Variants in EML2 observed in about 807,000 individuals in gnomAD.
EML2 encodes the protein EMAP like 2.
EML2 carries 59 observed loss-of-function variants against 84.7 expected under a neutral mutation model. The observed-to-expected ratio is 0.70, with a 90% CI of 0.56 to 0.86. The LOEUF (loss-of-function observed/expected upper bound fraction) is 0.86. Ranked by LOEUF, EML2 falls within the 40% of genes least tolerant of loss-of-function variation. The pLI, the probability that EML2 is intolerant of heterozygous loss-of-function variation, is 0.00. For synonymous variants in EML2, 352 were observed against 348.9 expected (o/e 1.01, Z -0.10); for missense variants, 818 against 855.6 (o/e 0.96, Z 0.55).
At chr19:45,634,751 C>T (rs1433901209) in intron 3 of EML2, among the ~76,000 whole-genome samples, 2 of 151,468 alleles carry the variant, frequency 1.3e-5, no homozygotes, top group African/African-American at 2.4e-5. Flanking sequence ...TTAGTAGAGA[C>T]GGGGTATCAC....
At chr19:45,637,148 C>A (rs867178888) in intron 3 of EML2, among the ~76,000 whole-genome samples, 3 of 152,170 alleles carry the variant, frequency 2.0e-5, no homozygotes, top group African/African-American at 7.2e-5. Flanking sequence ...TCTGGGCACC[C>A]AGAAGGCCAG....
At chr19:45,626,667 C>T (rs2122707651) in intron 8 of EML2, 38 bp downstream of exon 8, 1 of 1,585,888 alleles carries the variant, frequency 6.3e-7, no homozygotes, top group Non-Finnish European at 8.6e-7. Context: ...AACTACCTCT[C>T]TCAGGGCCAG....
intron 18 of EML2, among the ~76,000 whole-genome samples, chr19:45,610,628 A>G (rs1380459682): frequency 1.3e-5 from 2 of 152,252 alleles, no homozygotes; most frequent in East Asian, 3.9e-4. Flanking sequence ...ACTTGAGGTC[A>G]GGAGTTCGAT....
upstream of EML2, chr19:45,639,927 GA>G (rs2122824568): frequency 6.6e-6 from 1 of 152,344 alleles, no homozygotes; most frequent in African/African-American, 2.4e-5. Flanking sequence ...TCGGGAGGCA[GA>G]GGTTACAGTG....
intron 18 of EML2, among the ~76,000 whole-genome samples, chr19:45,610,152 C>T (rs1271849630): frequency 1.3e-5 from 2 of 152,082 alleles, no homozygotes; most frequent in Non-Finnish European, 2.9e-5. Context: ...AATCCCAGCA[C>T]TTTGGGAGGC....
intron 8 of EML2, among the ~76,000 whole-genome samples, chr19:45,626,103 C>T (rs1568460236): frequency 6.6e-6 from 1 of 152,130 alleles, no homozygotes; most frequent in Non-Finnish European, 1.5e-5. Context: ...TCTCGAACTT[C>T]TGGGCTCAAG....
chr19:45,643,272 G>A (rs537465127), upstream of EML2, among the ~76,000 whole-genome samples: 1 of 152,340 alleles, frequency 6.6e-6, no homozygotes, highest in African/African-American at 2.4e-5. Context: ...CCAGCTGCAA[G>A]GACAGAGCTT....
At chr19:45,612,617 T>C (rs1333862521) in intron 18 of EML2, among the ~76,000 whole-genome samples, 1 of 152,024 alleles carries the variant, frequency 6.6e-6, no homozygotes, top group African/African-American at 2.4e-5. Context: ...AAGGCTGCAG[T>C]GAGCCGAGAT....
chr19:45,613,061 C>G (rs962716727), intron 18 of EML2, among the ~76,000 whole-genome samples: 2 of 152,050 alleles, frequency 1.3e-5, no homozygotes, highest in Non-Finnish European at 2.9e-5. Flanking sequence ...CCATGCCCAG[C>G]TAATTTTGTG....
chr19:45,634,565 T>C (rs1973495124), intron 3 of EML2, 94 bp from the exon 4 acceptor site: 18 of 968,212 alleles, frequency 1.9e-5, no homozygotes, highest in Non-Finnish European at 2.2e-5. Context: ...AATTTTTTTA[T>C]TTATTTATTT....
At chr19:45,642,222 C>T (rs1974596614), upstream of EML2, 1 of 1,535,348 alleles carries the variant, frequency 6.5e-7, no homozygotes, top group African/African-American at 1.4e-5. Flanking sequence ...CGCATGCCCG[C>T]AGGCGACGCA....
chr19:45,621,405 G>A (rs1282333165), intron 10 of EML2, 73 bp from the exon 11 acceptor site: 1 of 1,572,818 alleles, frequency 6.4e-7, no homozygotes, highest in Non-Finnish European at 8.6e-7. Context: ...CTGTGGGGAG[G>A]AGGGTCTGGC....
upstream of EML2, chr19:45,643,631 A>G (rs1454976276): frequency 2.0e-6 from 3 of 1,536,088 alleles, no homozygotes; most frequent in South Asian, 2.4e-5. Flanking sequence ...AGCCTGGTGG[A>G]AGTAAAGGTG....
Position 45,609,554 on chromosome 19 carries a change from T to G in EML2, c.*109A>C. On this transcript the variant is annotated 3_prime_UTR_variant, in exon 19 of 19. Coordinates refer to ENST00000245925, the MANE Select transcript of EML2 (RefSeq NM_012155.4). ...ATGTCAGTCTACCCTCCCGCCCCCA[T>G]AACCCCCTCTGCTATAGACATACTC... 2.8e-5 allele frequency: 12 copies of G among 435,224 alleles called. No homozygotes were observed. Among genetic ancestry groups the G allele is most frequent in the East Asian group, 7.9e-5 (1 of 12,620 alleles). The allele number at this position is 435,224 out of a possible 1,614,324, so 27.0% of individuals were successfully genotyped here. A position where few individuals can be genotyped will look rare whatever the true frequency, so the allele number is the denominator to read the frequency against.
chr19:45,624,848 G>C, intron 8 of EML2, 30 bp from the exon 9 acceptor site: 2 of 1,528,636 alleles, frequency 1.3e-6, no homozygotes, highest in Non-Finnish European at 1.8e-6. Flanking sequence ...GAAGGTGTCA[G>C]AGCGTCACTG....
rs370091968 is a variant in EML2, at chr19:45,624,706, G to A, written c.841+13C>T. ...GACTGGATTGGGAACCAAACAGATG[G>A]GGTGACACTGACCTTTGCCCCAAAC... On this transcript the variant is annotated intron_variant, in intron 9 of 18. Transcript: ENST00000245925. The A allele has an allele frequency of 3.1e-6, 5 of 1,602,980 alleles. No individual in the cohort carries two copies. The highest frequency in any genetic ancestry group is 3.4e-6 in the Non-Finnish European group (4 of 1,170,628).
At chr19:45,610,156 G>A (rs920706708) in intron 18 of EML2, among the ~76,000 whole-genome samples, 1 of 152,180 alleles carries the variant, frequency 6.6e-6, no homozygotes, top group Non-Finnish European at 1.5e-5. Flanking sequence ...CCAGCACTTT[G>A]GGAGGCCGAG....
upstream of EML2, chr19:45,643,745 C>T: frequency 6.6e-7 from 1 of 1,520,706 alleles, no homozygotes; most frequent in South Asian, 1.2e-5. Context: ...CCGCTCCTCC[C>T]TCCTTCCCTT....
At chr19:45,642,389 A>T, upstream of EML2, 4 of 1,521,498 alleles carry the variant, frequency 2.6e-6, no homozygotes, top group Non-Finnish European at 3.5e-6. Flanking sequence ...AGGGCCACCC[A>T]GGAGCTCCAG....
Sources: allele counts gnomAD v4.1 joint callset (sites outside exome capture counted in the v4.1 genomes callset), GRCh38; gene constraint gnomAD v4.1.1; transcripts MANE v1.5; gene names NCBI Gene and HGNC (gene_info 2026-07-23, HGNC 2026-07-21).